UBAP1: variants seen among roughly 807,000 people sequenced by gnomAD.
The protein encoded by UBAP1 is ubiquitin associated protein 1, also known as ubiquitin-associated protein 1.
Under a neutral mutation model 39.0 loss-of-function variants are expected in UBAP1, and 5 were observed. That is an observed-to-expected ratio of 0.13 (90% CI 0.07 to 0.27). The LOEUF (loss-of-function observed/expected upper bound fraction) is 0.27, where lower values mean the gene tolerates loss of function less well. Ranked by LOEUF, UBAP1 falls within the 10% of genes least tolerant of loss-of-function variation. UBAP1 has a pLI of 1.00. For missense variants in UBAP1, 490 were observed against 608.1 expected, an observed-to-expected ratio of 0.81 and a Z score of 2.04; for synonymous variants, 211 against 225.1, an observed-to-expected ratio of 0.94 and a Z score of 0.56.
At chr9:34,226,357 C>A (rs1563911557) in intron 2 of UBAP1, among the ~76,000 whole-genome samples, 2 of 151,716 alleles carry the variant, frequency 1.3e-5, no homozygotes, top group South Asian at 2.1e-4. Flanking sequence ...CTGTCTCAGC[C>A]CCCTGAGTAG....
Position 34,192,132 on chromosome 9 carries a change from C to T in UBAP1, c.-8+12892C>T, listed in dbSNP as rs142561280. Among the ~76,000 whole-genome samples, 376 of 151,828 alleles carry T rather than the reference C, an allele frequency of 2.5e-3. 2 individuals carry two copies. Among genetic ancestry groups the T allele is most frequent in the African/African-American group, 7.8e-3 (324 of 41,438 alleles). On this transcript the variant is annotated intron_variant, in intron 1 of 6. Coordinates refer to ENST00000297661, the MANE Select transcript of UBAP1 (RefSeq NM_016525.5). The stretch of plus-strand genomic sequence containing the variant: ...GTACTGGGATTACAGGCATGAGCCA[C>T]GGTCCCCGGCCTGTATAAACTTTTT...
In UBAP1 at chr9:34,228,311, A is replaced by G. The variant is rs369781379; in HGVS notation, c.35-5905A>G. On this transcript the variant is annotated intron_variant, in intron 2 of 6. Coordinates refer to ENST00000297661, the MANE Select transcript of UBAP1 (RefSeq NM_016525.5). ...CAGGCACCTGTAGTCCCAGCTACTC[A>G]GGAGGCTGAGGCAGGAGAATAGCGT... Among the ~76,000 whole-genome samples, 21 of 150,998 alleles carry G rather than the reference A, an allele frequency of 1.4e-4. No individual in the cohort carries two copies. The East Asian group carries it at 3.2e-3, about 23-fold the overall frequency.
chr9:34,218,250 C>CAAAAAAA lies in UBAP1; in HGVS notation c.-7-2620_-7-2614dup, dbSNP rs758443973. Among the ~76,000 whole-genome samples the CAAAAAAA allele has an allele frequency of 3.0e-4, 15 of 49,524 alleles. 3 individuals are homozygous for CAAAAAAA. The highest frequency in any genetic ancestry group is 6.6e-4 in the African/African-American group (7 of 10,620). 32.5% of individuals were successfully genotyped at this position (49,524 alleles called of 152,430 possible). On this transcript the variant is annotated intron_variant, in intron 1 of 6. Transcript: ENST00000297661. ...CTGGTGACAGAGCGAGACTCCATCT[C>CAAAAAAA]AAAAAAAAAAAAAAAAAAAAAAAAA...
intron 1 of UBAP1, among the ~76,000 whole-genome samples, chr9:34,216,936 C>T (rs1471523174): frequency 1.3e-5 from 2 of 151,962 alleles, no homozygotes; most frequent in Non-Finnish European, 2.9e-5. Flanking sequence ...CCTTACTGTA[C>T]AATAGAATAC....
At chr9:34,181,116 C>CTTTTTTTT (rs67856544) in intron 1 of UBAP1, among the ~76,000 whole-genome samples, 1,193 of 72,210 alleles carry the variant, frequency 0.017, 127 homozygotes, top group African/African-American at 0.039. Flanking sequence ...GGCCTGTTTT[C>CTTTTTTTT]TTTTTTTTTT....
At chr9:34,188,330 G>A (rs572229708) in intron 1 of UBAP1, among the ~76,000 whole-genome samples, 1 of 150,362 alleles carries the variant, frequency 6.7e-6, no homozygotes, top group Non-Finnish European at 1.5e-5. Flanking sequence ...ACAGAAAAGT[G>A]TAACAGGAAA....
rs559075759 is a variant in UBAP1 at position 34,182,244 on chromosome 9, G to A, written c.-8+3004G>A. ...CTGTTGCCCAGGCTGGAGTGCTGTG[G>A]CGTGATCTCAGCTCACTGCAACCTC... is the stretch of plus-strand genomic sequence containing the variant. On this transcript the variant is annotated intron_variant, in intron 1 of 6. Coordinates refer to ENST00000297661, the MANE Select transcript of UBAP1 (RefSeq NM_016525.5). 8.7e-5 allele frequency among the ~76,000 whole-genome samples: 13 copies of A among 149,214 alleles called. 1 individual carries two copies. Among genetic ancestry groups the A allele is most frequent in the Admixed American group, 2.7e-4 (4 of 14,784 alleles).
intron 1 of UBAP1, among the ~76,000 whole-genome samples, chr9:34,204,160 C>T (rs929571493): frequency 1.3e-5 from 2 of 152,214 alleles, no homozygotes; most frequent in East Asian, 3.9e-4. Context: ...AATCCTGTCT[C>T]TACTAAAAAT....
At chr9:34,236,614 C>T (rs917470693) in intron 3 of UBAP1, among the ~76,000 whole-genome samples, 3 of 152,150 alleles carry the variant, frequency 2.0e-5, no homozygotes, top group East Asian at 1.9e-4. Context: ...TTCCCTTTCT[C>T]TGCTAATGTC....
chr9:34,179,254 C>T lies in UBAP1; in HGVS notation c.-8+14C>T, dbSNP rs546420318. Reference sequence around the variant, plus strand: ...AGCGGCATTCAGGTGAGGGGGGCCTCCCTCTGGGGGAGGGGGAAGAGGGGC... The same window carrying T: ...AGCGGCATTCAGGTGAGGGGGGCCTTCCTCTGGGGGAGGGGGAAGAGGGGC... On this transcript the variant is annotated intron_variant, in intron 1 of 6. Coordinates refer to ENST00000297661, the MANE Select transcript of UBAP1 (RefSeq NM_016525.5). 5.3e-5 allele frequency: 59 copies of T among 1,106,966 alleles called. No homozygotes were observed. The East Asian group carries it at 2.1e-3, about 40-fold the overall frequency. 68.6% of individuals were successfully genotyped at this position (1,106,966 alleles called of 1,614,324 possible). A position where few individuals can be genotyped will look rare whatever the true frequency, so the allele number is the denominator to read the frequency against.
In UBAP1 at chr9:34,200,616, GAA is replaced by G. The variant is rs1288623879; in HGVS notation, c.-7-20287_-7-20286del. On this transcript the variant is annotated intron_variant, in intron 1 of 6. Coordinates refer to ENST00000297661, the MANE Select transcript of UBAP1 (RefSeq NM_016525.5). ...TTCATTGTATGATGTTTAACATACAGAAAAAATATGAATGTAAAACATCTAAG... is the reference window on the plus strand; with the variant it reads ...TTCATTGTATGATGTTTAACATACAGAAAATATGAATGTAAAACATCTAAG... 2.0e-5 allele frequency among the ~76,000 whole-genome samples: 3 copies of G among 152,208 alleles called. No homozygotes were observed. The East Asian group carries it at 5.8e-4, about 29-fold the overall frequency.
At chr9:34,181,953 G>A (rs1009751525) in intron 1 of UBAP1, among the ~76,000 whole-genome samples, 1 of 149,084 alleles carries the variant, frequency 6.7e-6, no homozygotes, top group Non-Finnish European at 1.5e-5. Flanking sequence ...GATTGTTAGT[G>A]CATTTTTTAA....
Position 34,179,047 on chromosome 9 carries a change from A to G in UBAP1, c.-201A>G. On this transcript the variant is annotated 5_prime_UTR_variant, in exon 1 of 7. Coordinates refer to ENST00000297661, the MANE Select transcript of UBAP1 (RefSeq NM_016525.5). ...GGGCGGTGAGGGGAAGGAGGAGGGAAGTAGGACTTCAACATGGCGGCTGCG... is the reference window on the plus strand; with the variant it reads ...GGGCGGTGAGGGGAAGGAGGAGGGAGGTAGGACTTCAACATGGCGGCTGCG... The G allele has an allele frequency of 7.9e-7, 1 of 1,267,256 alleles. No homozygotes were observed. The highest frequency in any genetic ancestry group is 1.0e-6 in the Non-Finnish European group (1 of 1,004,120). The allele number at this position is 1,267,256 out of a possible 1,614,324, so 78.5% of individuals were successfully genotyped here.
chr9:34,206,581 T>A, intron 1 of UBAP1, among the ~76,000 whole-genome samples: 1 of 149,138 alleles, frequency 6.7e-6, no homozygotes, highest in African/African-American at 2.5e-5. Flanking sequence ...GCATCTTGAC[T>A]TAAAAAAAAA....
chr9:34,240,007 A>AT (rs758742935), intron 3 of UBAP1, among the ~76,000 whole-genome samples: 54 of 152,214 alleles, frequency 3.5e-4, no homozygotes, highest in Non-Finnish European at 4.1e-4. Flanking sequence ...GAAATTTCCA[A>AT]TTTTTTTAAA....
Position 34,220,891 on chromosome 9 carries a change from A to ATT in UBAP1, c.-7-15_-7-14dup. On this transcript the variant is annotated splice_polypyrimidine_tract_variant and intron_variant, in intron 1 of 6. Transcript: ENST00000297661. Reference sequence around the variant, plus strand: ...TCAAGGTATAATGTGCCTAAGAAATATTTCCTTGTTTTTCAGGTTCTAAAT... The same window carrying ATT: ...TCAAGGTATAATGTGCCTAAGAAATATTTTTCCTTGTTTTTCAGGTTCTAAAT... The ATT allele has an allele frequency of 6.2e-7, 1 of 1,612,502 alleles. No homozygotes were observed. The highest frequency in any genetic ancestry group is 8.5e-7 in the Non-Finnish European group (1 of 1,179,012).
intron 1 of UBAP1, among the ~76,000 whole-genome samples, chr9:34,180,786 GA>G (rs1175749251): frequency 8.8e-5 from 12 of 137,050 alleles, no homozygotes; most frequent in African/African-American, 2.9e-4. Flanking sequence ...AACCTCATTG[GA>G]AAAAAAACTT....
At chr9:34,246,733 G>A (rs1359426233) in intron 4 of UBAP1, among the ~76,000 whole-genome samples, 2 of 152,206 alleles carry the variant, frequency 1.3e-5, no homozygotes, top group Non-Finnish European at 2.9e-5. Context: ...TTGAGGTTAG[G>A]CTTGAGGGCC....
At chr9:34,227,621 C>T (rs560598586) in intron 2 of UBAP1, among the ~76,000 whole-genome samples, 8 of 152,306 alleles carry the variant, frequency 5.3e-5, no homozygotes, top group Admixed American at 3.9e-4. Context: ...TATCCTGAGT[C>T]ATTACATATT....
Sources: gnomAD v4.1 joint callset for allele counts (sites outside exome capture counted in the v4.1 genomes callset) on GRCh38, gnomAD v4.1.1 for gene constraint, MANE v1.5 for transcripts, NCBI Gene and HGNC (gene_info 2026-07-23, HGNC 2026-07-21) for gene names.